TRIM38: variants seen among roughly 807,000 people sequenced by gnomAD.
TRIM38 encodes tripartite motif containing 38, also known as E3 ubiquitin-protein ligase TRIM38.
In TRIM38, 35 loss-of-function variants were observed where a neutral mutation model predicts 35.8. The observed-to-expected ratio is 0.98, with a 90% CI of 0.75 to 1.30. The LOEUF is 1.30. Among genes scored for constraint, TRIM38 ranks in the 50% most tolerant of loss-of-function variants. The pLI, the probability that TRIM38 is intolerant of heterozygous loss-of-function variation, is 0.00. For missense variants in TRIM38, 545 were observed against 556.9 expected (o/e 0.98, Z 0.21); for synonymous variants, 198 against 204.7 (o/e 0.97, Z 0.28).
rs1361771629 is a variant in TRIM38, at chr6:25,990,830, ATTTAT to A, written c.*7146_*7150del. ...ATTTTTTAATTCTTAAAATTTTATT[ATTTAT>A]TTCACACCAGGCCATCACTGTGATA... On this transcript the variant is annotated 3_prime_UTR_variant, in exon 8 of 8. Coordinates refer to ENST00000357085, the MANE Select transcript of TRIM38 (RefSeq NM_006355.5). The A allele has an allele frequency of 2.6e-5, 4 of 152,118 alleles. No individual in the cohort carries two copies. The highest frequency in any genetic ancestry group is 2.6e-4 in the Admixed American group (4 of 15,276). The allele number at this position is 152,118 out of a possible 1,614,324, so 9.4% of individuals were successfully genotyped here.
At chr6:25,971,740 T>C (rs1241133409) in intron 4 of TRIM38, 129 bp from the exon 5 acceptor site, 3 of 769,902 alleles carry the variant, frequency 3.9e-6, no homozygotes, top group Non-Finnish European at 4.2e-6. Flanking sequence ...TTCTGGCTTA[T>C]TTTGCTTGAA....
At chr6:25,969,454 T>G in intron 4 of TRIM38, 34 bp downstream of exon 4, 1 of 1,569,466 alleles carries the variant, frequency 6.4e-7, no homozygotes, top group South Asian at 1.2e-5. Flanking sequence ...TCAAGCTATT[T>G]TCCATTCTAG....
In TRIM38 at chr6:25,985,479, A is replaced by G. The variant is rs899974680; in HGVS notation, c.*1792A>G. On this transcript the variant is annotated 3_prime_UTR_variant, in exon 8 of 8. Transcript: ENST00000357085. The stretch of plus-strand genomic sequence containing the variant: ...CTCAGTACTCCCCTGTGTTTGTACA[A>G]TGCACATGCTTTGTTTCTGTCTTGT... 1.3e-5 allele frequency: 2 copies of G among 152,186 alleles called. No homozygotes were observed. Among genetic ancestry groups the G allele is most frequent in the African/African-American group, 2.4e-5 (1 of 41,450 alleles). The allele number at this position is 152,186 out of a possible 1,614,324, so 9.4% of individuals were successfully genotyped here.
At chr6:25,971,847 G>T in intron 4 of TRIM38, 22 bp from the exon 5 acceptor site, 2 of 1,602,944 alleles carry the variant, frequency 1.2e-6, no homozygotes, top group South Asian at 2.2e-5. Flanking sequence ...TCCACCTTTT[G>T]ACCATACTTT....
At position 25,976,381 on chromosome 6, in the gene TRIM38, C is replaced by T. The variant is rs548815097; in HGVS notation, c.874+3096C>T. ...TTCCTGGGCTTAAGCAATCCTCCCA[C>T]GTCAGCTTCCCCAGTAGCTGGGACC... On this transcript the variant is annotated intron_variant, in intron 7 of 7. Coordinates refer to ENST00000357085, the MANE Select transcript of TRIM38 (RefSeq NM_006355.5). 1.1e-3 allele frequency among the ~76,000 whole-genome samples: 168 copies of T among 152,338 alleles called. 2 individuals carry two copies. The highest frequency in any genetic ancestry group is 9.7e-3 in the South Asian group (47 of 4,822).
chr6:25,965,863 T>C (rs554975919), intron 2 of TRIM38, among the ~76,000 whole-genome samples: 1 of 150,352 alleles, frequency 6.7e-6, no homozygotes, highest in South Asian at 2.1e-4. Flanking sequence ...GGAGGTGCAG[T>C]GAGCCGAGAT....
chr6:25,966,702 C>T lies in TRIM38; in HGVS notation c.180C>T (p.Pro60=), dbSNP rs147186523. ...KQLRQETFCC[P]QCRAPFHMDS... ...TGAGGCAGGAGACATTCTGCTGTCC[C>T]CAGTGTCGGGCTCCATTTCATATGG... The change falls in exon 3 of 8, where the codon CCC becomes CCT. Residue 60 remains proline, a synonymous_variant. Coordinates refer to ENST00000357085, the MANE Select transcript of TRIM38 (RefSeq NM_006355.5). 108 of 1,614,190 alleles carry T rather than the reference C, an allele frequency of 6.7e-5. No homozygotes were observed. In the African/African-American group the frequency reaches 1.2e-3, roughly 19 times the overall value.
At chr6:25,982,173 C>T (rs1760563472) in intron 7 of TRIM38, among the ~76,000 whole-genome samples, 1 of 152,138 alleles carries the variant, frequency 6.6e-6, no homozygotes, top group Non-Finnish European at 1.5e-5. Flanking sequence ...ACCCAGGGCT[C>T]AGGGCATAAA....
chr6:25,987,788 A>T lies in TRIM38; in HGVS notation c.*4101A>T, dbSNP rs1760754122. On this transcript the variant is annotated 3_prime_UTR_variant, in exon 8 of 8. Transcript: ENST00000357085. The stretch of plus-strand genomic sequence containing the variant: ...AAATGTATAATGTCATGTATTCACC[A>T]TTATAGTATCACAGAAGTTTCACTG... The T allele has an allele frequency of 6.6e-6, 1 of 152,208 alleles. No individual in the cohort carries two copies. The highest frequency in any genetic ancestry group is 1.5e-5 in the Non-Finnish European group (1 of 68,040). The allele number at this position is 152,208 out of a possible 1,614,324, so 9.4% of individuals were successfully genotyped here.
chr6:25,968,452 A>G lies in TRIM38; in HGVS notation c.412-873A>G, dbSNP rs1325978995. Among the ~76,000 whole-genome samples, 4 of 152,206 alleles carry G rather than the reference A, an allele frequency of 2.6e-5. No individual in the cohort carries two copies. In the East Asian group the frequency reaches 7.7e-4, roughly 29 times the overall value. On this transcript the variant is annotated intron_variant, in intron 3 of 7. Transcript: ENST00000357085. Reference sequence around the variant, plus strand: ...ATAATAGCAGTGTCCTCCCTCCCTAAAACACATACACAGGAGGTGGTTATA... The same window carrying G: ...ATAATAGCAGTGTCCTCCCTCCCTAGAACACATACACAGGAGGTGGTTATA...
chr6:25,978,084 A>G (rs1760448994), intron 7 of TRIM38, among the ~76,000 whole-genome samples: 1 of 152,064 alleles, frequency 6.6e-6, no homozygotes, highest in Non-Finnish European at 1.5e-5. Flanking sequence ...TTCATAATAT[A>G]TATATATACA....
chr6:25,969,286 C>A, intron 3 of TRIM38, 39 bp from the exon 4 acceptor site: 2 of 1,517,096 alleles, frequency 1.3e-6, no homozygotes, highest in South Asian at 1.2e-5. Flanking sequence ...AATGAAGAGT[C>A]AAATTGAATA....
chr6:25,974,574 T>C (rs992195126), intron 7 of TRIM38, among the ~76,000 whole-genome samples: 3 of 152,226 alleles, frequency 2.0e-5, no homozygotes, highest in African/African-American at 7.2e-5. Context: ...AAGGCCACCC[T>C]TGAGTCTGTC....
At chr6:25,971,422 GTGTGTGTGTT>G (rs1320127755) in intron 4 of TRIM38, among the ~76,000 whole-genome samples, 3 of 152,216 alleles carry the variant, frequency 2.0e-5, no homozygotes, top group African/African-American at 7.2e-5. Context: ...GATTGTGTGT[GTGTGTGTGTT>G]TGTGTGAAAA....
intron 2 of TRIM38, among the ~76,000 whole-genome samples, chr6:25,965,696 C>T (rs374083479): frequency 3.0e-5 from 4 of 135,404 alleles, no homozygotes; most frequent in Non-Finnish European, 4.7e-5. Context: ...GAGGCTGAGG[C>T]GGGTGGATCA....
rs969622116 is a variant in TRIM38, at chr6:25,988,802, T to C, written c.*5115T>C. The C allele has an allele frequency of 4.6e-5, 7 of 152,224 alleles. No individual in the cohort carries two copies. The highest frequency in any genetic ancestry group is 1.7e-4 in the African/African-American group (7 of 41,456). 9.4% of individuals were successfully genotyped at this position (152,224 alleles called of 1,614,324 possible). A position where few individuals can be genotyped will look rare whatever the true frequency, so the allele number is the denominator to read the frequency against. On this transcript the variant is annotated 3_prime_UTR_variant, in exon 8 of 8. Coordinates refer to ENST00000357085, the MANE Select transcript of TRIM38 (RefSeq NM_006355.5). ...TTCAGAAGTACCACAGTTATCCACT[T>C]ACCTACTGAAAGACATCTTGTTTCC...
rs755578856 is a variant in TRIM38, at chr6:25,983,509, A to T, written c.1220A>T (p.Glu407Val). ...TSPPTSLHLH[E>V]QPLLVGIFLD... ...CCCCCAACTTCCCTTCATCTGCATG[A>T]GCAGCCCCTGCTTGTGGGAATTTTT... The change falls in exon 8 of 8, where the codon GAG becomes GTG. Residue 407 changes from glutamate to valine, a missense_variant. Coordinates refer to ENST00000357085, the MANE Select transcript of TRIM38 (RefSeq NM_006355.5). The T allele has an allele frequency of 6.2e-7, 1 of 1,614,086 alleles. No homozygotes were observed. Among genetic ancestry groups the T allele is most frequent in the Non-Finnish European group, 8.5e-7 (1 of 1,180,022 alleles).
rs1760793599 is a variant in TRIM38 at position 25,989,546 on chromosome 6, G to A, written c.*5859G>A. ...TTTTTTTTTTTTTTAATAGAGACGG[G>A]TCTTGCTACAGTGCCCAGGCTGGTC... On this transcript the variant is annotated 3_prime_UTR_variant, in exon 8 of 8. Transcript: ENST00000357085. The A allele has an allele frequency of 7.3e-6, 1 of 137,218 alleles. No individual in the cohort carries two copies. The highest frequency in any genetic ancestry group is 1.5e-5 in the Non-Finnish European group (1 of 65,686). The allele number at this position is 137,218 out of a possible 1,614,324, so 8.5% of individuals were successfully genotyped here. A position where few individuals can be genotyped will look rare whatever the true frequency, so the allele number is the denominator to read the frequency against.
In TRIM38 at chr6:25,966,612, C is replaced by A. The variant is rs777118072; in HGVS notation, c.90C>A (p.Asn30Lys). The change falls in exon 3 of 8, where the codon AAC becomes AAA. Residue 30 changes from asparagine to lysine, a missense_variant. Coordinates refer to ENST00000357085, the MANE Select transcript of TRIM38 (RefSeq NM_006355.5). ...TGATGACGAACCCAGTAAGCATCAA[C>A]TGTGGACACAGCTACTGCCACTTGT... ...LSLMTNPVSI[N>K]CGHSYCHLCI... 3 of 1,614,106 alleles carry A rather than the reference C, an allele frequency of 1.9e-6. No homozygotes were observed. Among genetic ancestry groups the A allele is most frequent in the Non-Finnish European group, 2.5e-6 (3 of 1,180,052 alleles).
Sources: gnomAD v4.1 joint callset for allele counts (sites outside exome capture counted in the v4.1 genomes callset) on GRCh38, gnomAD v4.1.1 for gene constraint, MANE v1.5 for transcripts, NCBI Gene and HGNC (gene_info 2026-07-23, HGNC 2026-07-21) for gene names.